GHR: variants seen among roughly 807,000 people sequenced by gnomAD.
GHR encodes the protein GH receptor.
In GHR, 35 loss-of-function variants were observed where a neutral mutation model predicts 67.1. The observed-to-expected ratio is 0.52, with a 90% confidence interval of 0.40 to 0.69. The LOEUF is 0.69. Among genes scored for constraint, GHR ranks in the 30% least tolerant of loss-of-function variants. GHR has a pLI of 0.00. For synonymous variants in GHR, 272 were observed against 269.1 expected, an observed-to-expected ratio of 1.01 and a Z score of -0.10; for missense variants, 792 against 764.6, an observed-to-expected ratio of 1.04 and a Z score of -0.42.
intron 1 of GHR, among the ~76,000 whole-genome samples, chr5:42,513,587 A>G (rs901612814): frequency 2.0e-5 from 3 of 152,186 alleles, no homozygotes. Context: ...GTTCCAGCCC[A>G]GCCTGACCAA....
chr5:42,433,401 G>A (rs1743181982), intron 1 of GHR, among the ~76,000 whole-genome samples: 2 of 152,060 alleles, frequency 1.3e-5, no homozygotes, highest in Admixed American at 1.3e-4. Flanking sequence ...GGCCAGGCTA[G>A]TGGTATTTTT....
intron 2 of GHR, among the ~76,000 whole-genome samples, chr5:42,588,547 A>AAAAAAAAAAAAAAAAAAAAAC (rs1751612515): frequency 6.6e-6 from 1 of 150,486 alleles, no homozygotes; most frequent in African/African-American, 2.4e-5. Flanking sequence ...AAAAAAAAAA[A>AAAAAAAAAAAAAAAAAAAAAC]AAAAGTGACC....
At chr5:42,617,213 A>C (rs1202981198) in intron 2 of GHR, among the ~76,000 whole-genome samples, 2 of 151,452 alleles carry the variant, frequency 1.3e-5, no homozygotes, top group Non-Finnish European at 1.5e-5. Flanking sequence ...GCTTCTATAG[A>C]TCCCCTTTTT....
chr5:42,661,636 G>A (rs566593958), intron 3 of GHR, among the ~76,000 whole-genome samples: 4 of 152,302 alleles, frequency 2.6e-5, no homozygotes, highest in Non-Finnish European at 4.4e-5. Context: ...ACAGGTACCA[G>A]CCACTGCAAA....
intron 1 of GHR, among the ~76,000 whole-genome samples, chr5:42,536,068 T>A (rs1213172517): frequency 6.6e-6 from 1 of 151,976 alleles, no homozygotes; most frequent in Non-Finnish European, 1.5e-5. Flanking sequence ...TTCTGGAGGA[T>A]TCTTCAGGGT....
At chr5:42,592,448 A>G (rs1360913862) in intron 2 of GHR, among the ~76,000 whole-genome samples, 4 of 152,162 alleles carry the variant, frequency 2.6e-5, no homozygotes, top group Admixed American at 2.6e-4. Context: ...GCCAGTGTCT[A>G]TTATTCCCTT....
intron 2 of GHR, among the ~76,000 whole-genome samples, chr5:42,578,216 T>C (rs971792365): frequency 2.0e-5 from 3 of 152,152 alleles, no homozygotes; most frequent in Non-Finnish European, 2.9e-5. Flanking sequence ...CTAAGTGTTC[T>C]CTAGGGGTCA....
chr5:42,435,859 G>A (rs531057030), intron 1 of GHR, among the ~76,000 whole-genome samples: 7 of 152,256 alleles, frequency 4.6e-5, no homozygotes, highest in African/African-American at 1.7e-4. Context: ...AGCAAGTTCT[G>A]TAACAGAAAA....
At chr5:42,631,230 T>C (rs1580089490) in intron 3 of GHR, among the ~76,000 whole-genome samples, 2 of 152,106 alleles carry the variant, frequency 1.3e-5, no homozygotes, top group African/African-American at 4.8e-5. Context: ...ATTTGGCATA[T>C]GTTGATTTCC....
At chr5:42,474,285 A>AAG (rs1257674662) in intron 1 of GHR, among the ~76,000 whole-genome samples, 394 of 27,816 alleles carry the variant, frequency 0.014, 6 homozygotes, top group African/African-American at 0.04. Context: ...GAAAGAAAGA[A>AAG]AAAGAGAAAG....
At chr5:42,668,778 G>A (rs1366964497) in intron 3 of GHR, among the ~76,000 whole-genome samples, 1 of 152,028 alleles carries the variant, frequency 6.6e-6, no homozygotes, top group East Asian at 1.9e-4. Flanking sequence ...TATATTGCAT[G>A]CCAATGCTCC....
chr5:42,529,999 C>CTT (rs376534691), intron 1 of GHR, among the ~76,000 whole-genome samples: 667 of 57,538 alleles, frequency 0.012, 1 homozygote, highest in African/African-American at 0.016. Context: ...TGAATCACTT[C>CTT]TTTTTTTTTT....
intron 1 of GHR, among the ~76,000 whole-genome samples, chr5:42,483,946 A>G (rs913328390): frequency 1.3e-5 from 2 of 152,048 alleles, no homozygotes; most frequent in Non-Finnish European, 2.9e-5. Context: ...TCTTGTGCTT[A>G]GAACCAGCCT....
At chr5:42,654,729 G>C (rs1445504354) in intron 3 of GHR, among the ~76,000 whole-genome samples, 1 of 152,104 alleles carries the variant, frequency 6.6e-6, no homozygotes, top group African/African-American at 2.4e-5. Flanking sequence ...TCAGGGGCTT[G>C]ATGTTAAAAA....
chr5:42,634,870 C>A (rs1449840356), intron 3 of GHR, among the ~76,000 whole-genome samples: 2 of 152,072 alleles, frequency 1.3e-5, no homozygotes, highest in Non-Finnish European at 2.9e-5. Flanking sequence ...TGCTTTCATT[C>A]TTTTTTATCA....
chr5:42,677,852 C>G (rs991066431), intron 3 of GHR, among the ~76,000 whole-genome samples: 1 of 151,984 alleles, frequency 6.6e-6, no homozygotes, highest in East Asian at 1.9e-4. Flanking sequence ...CATCTAGTAC[C>G]GATATACTTA....
intron 2 of GHR, among the ~76,000 whole-genome samples, chr5:42,610,140 A>C (rs1752820724): frequency 6.6e-6 from 1 of 152,168 alleles, no homozygotes; most frequent in Admixed American, 6.5e-5. Context: ...TATCACAAGA[A>C]TATACAGGAA....
chr5:42,462,594 A>C (rs893871198), intron 1 of GHR, among the ~76,000 whole-genome samples: 1 of 152,166 alleles, frequency 6.6e-6, no homozygotes, highest in Non-Finnish European at 1.5e-5. Flanking sequence ...ATATAAACAT[A>C]AGGTTACTCA....
At chr5:42,535,075 T>G (rs1748197840) in intron 1 of GHR, among the ~76,000 whole-genome samples, 1 of 152,124 alleles carries the variant, frequency 6.6e-6, no homozygotes, top group Non-Finnish European at 1.5e-5. Flanking sequence ...TTCAGACGTA[T>G]AGATTGTGAA....
Sources: allele counts gnomAD v4.1 joint callset (sites outside exome capture counted in the v4.1 genomes callset), GRCh38; gene constraint gnomAD v4.1.1; transcripts MANE v1.5; gene names NCBI Gene and HGNC (gene_info 2026-07-23, HGNC 2026-07-21).